EPRS1: variants seen among roughly 807,000 people sequenced by gnomAD.
EPRS1 encodes glutamyl-prolyl-tRNA synthetase 1.
A neutral mutation model predicts 188.3 loss-of-function variants in EPRS1; 107 were observed. The ratio of observed to expected loss-of-function variants is 0.57; its 90% CI spans 0.49 to 0.67. The LOEUF is 0.67. Ranked by LOEUF, EPRS1 falls within the 30% of genes least tolerant of loss-of-function variation. The probability of loss-of-function intolerance (pLI) is 0.00; values close to 1 mark genes in which losing one functional copy is unlikely to be tolerated. For missense variants in EPRS1, 1,577 were observed against 1,802.2 expected, an observed-to-expected ratio of 0.88 and a Z score of 2.26; for synonymous variants, 596 against 593.1, an observed-to-expected ratio of 1.00 and a Z score of -0.07.
At position 220,005,275 on chromosome 1, in the gene EPRS1, A is replaced by G. The variant is rs1183261605; in HGVS notation, c.2036T>C (p.Ile679Thr). 1 of 1,580,588 alleles carries G rather than the reference A, an allele frequency of 6.3e-7. No homozygotes were observed. Among genetic ancestry groups the G allele is most frequent in the Admixed American group, 1.7e-5 (1 of 57,370 alleles). Residue 679 changes from isoleucine (I) to threonine (T), a missense_variant, in exon 16 of 32, where the codon ATA (isoleucine) becomes ACA (threonine). Around this residue, in one of 3 missense-constraint regions of EPRS1, gnomAD observed 1,278 missense variants for 1,457.4 expected, o/e 0.88. Transcript: ENST00000366923. Reference sequence around the variant, plus strand: ...AACAGGTTCATAAGGTTGATCACATATGAAGAATCCTCTTCTCTGGAGTTG... The same window carrying G: ...AACAGGTTCATAAGGTTGATCACATGTGAAGAATCCTCTTCTCTGGAGTTG... The part of the protein sequence containing the change: ...IIQLQRRGFF[I>T]CDQPYEPVSP...
intron 20 of EPRS1, among the ~76,000 whole-genome samples, chr1:219,985,774 T>TA (rs55977679): frequency 1.8e-4 from 27 of 152,206 alleles, no homozygotes; most frequent in Admixed American, 1.0e-3. Flanking sequence ...AGGTCTCCAA[T>TA]AAAAAAACTA....
At chr1:220,000,335 A>T (rs1661326437) in intron 17 of EPRS1, among the ~76,000 whole-genome samples, 1 of 152,200 alleles carries the variant, frequency 6.6e-6, no homozygotes, top group African/African-American at 2.4e-5. Context: ...TGGTCCACAG[A>T]CCCCAAGGGG....
In EPRS1 at chr1:220,016,577, A is replaced by ATTT. The variant is rs57664248; in HGVS notation, c.1494+1869_1494+1871dup. Among the ~76,000 whole-genome samples, 74 of 69,618 alleles carry ATTT rather than the reference A, an allele frequency of 1.1e-3. 10 individuals carry two copies. Among genetic ancestry groups the ATTT allele is most frequent in the African/African-American group, 2.1e-3 (38 of 17,844 alleles). 45.7% of individuals were successfully genotyped at this position (69,618 alleles called of 152,430 possible). ...AAGCATGCACGACCAGGCCTAGCTA[A>ATTT]TTTTTTTTTTTTTTTTTTTTTTGGA... On this transcript the variant is annotated intron_variant, in intron 12 of 31. Transcript: ENST00000366923.
Position 220,046,497 on chromosome 1 carries a change from G to T in EPRS1, c.-109C>A. 4.6e-6 allele frequency: 7 copies of T among 1,515,768 alleles called. No individual in the cohort carries two copies. Among genetic ancestry groups the T allele is most frequent in the Non-Finnish European group, 6.2e-6 (7 of 1,131,342 alleles). 93.9% of individuals were successfully genotyped at this position (1,515,768 alleles called of 1,614,324 possible). A position where few individuals can be genotyped will look rare whatever the true frequency, so the allele number is the denominator to read the frequency against. On this transcript the variant is annotated 5_prime_UTR_variant, in exon 1 of 32. Transcript: ENST00000366923. Reference sequence around the variant, plus strand: ...ACGTGTGCGCGTACCCGACGCCGCCGCAGCCTTCGCTCCGCCCCTGCGCCG... The same window carrying T: ...ACGTGTGCGCGTACCCGACGCCGCCTCAGCCTTCGCTCCGCCCCTGCGCCG...
chr1:219,968,830 G>A lies in EPRS1; in HGVS notation c.4515C>T (p.Tyr1505=), dbSNP rs761104636. 3.7e-6 allele frequency: 6 copies of A among 1,614,178 alleles called. No individual in the cohort carries two copies. Among genetic ancestry groups the A allele is most frequent in the Middle Eastern group, 3.3e-4 (2 of 6,060 alleles). The change falls in exon 32 of 32, where the codon TAC becomes TAT. Residue 1505 remains tyrosine (Y), a synonymous_variant. Transcript: ENST00000366923. ...CTCAGTAGCTGCGACCAAATAAGGTGTAGTACTTGGCAGGGTTCTTGCCAC... is the reference window on the plus strand; with the variant it reads ...CTCAGTAGCTGCGACCAAATAAGGTATAGTACTTGGCAGGGTTCTTGCCAC... ...CVCGKNPAKY[Y]TLFGRSY is the part of the protein sequence containing the mutation.
intron 2 of EPRS1, among the ~76,000 whole-genome samples, chr1:220,035,240 TC>T (rs1345461786): frequency 2.0e-5 from 3 of 152,184 alleles, no homozygotes; most frequent in Non-Finnish European, 2.9e-5. Context: ...AACCTCTGCC[TC>T]CAGGGTTCAA....
At position 220,006,200 on chromosome 1, in the gene EPRS1, A is replaced by C; in HGVS notation, c.1856T>G (p.Ile619Ser). 6.2e-7 allele frequency: 1 copy of C among 1,606,706 alleles called. No individual in the cohort carries two copies. Among genetic ancestry groups the C allele is most frequent in the Non-Finnish European group, 8.5e-7 (1 of 1,175,252 alleles). Residue 619 changes from isoleucine (I) to serine (S), a missense_variant, in exon 15 of 32, where the codon ATT (isoleucine) becomes AGT (serine). Transcript: ENST00000366923. Reference sequence around the variant, plus strand: ...CTCATAAGTGACACAGATTACTGGAATAGGAAGAGCATGTGTAGTCTCTGC... The same window carrying C: ...CTCATAAGTGACACAGATTACTGGACTAGGAAGAGCATGTGTAGTCTCTGC... ...WLAETTHALP[I>S]PVICVTYEHL...
At chr1:219,992,733 C>T (rs1291962543) in intron 18 of EPRS1, among the ~76,000 whole-genome samples, 1 of 152,068 alleles carries the variant, frequency 6.6e-6, no homozygotes, top group Admixed American at 6.6e-5. Flanking sequence ...TCGAGACCAG[C>T]CTAACATGGT....
At chr1:220,030,172 T>C (rs975625084) in intron 6 of EPRS1, among the ~76,000 whole-genome samples, 1 of 152,234 alleles carries the variant, frequency 6.6e-6, no homozygotes, top group Non-Finnish European at 1.5e-5. Flanking sequence ...AAAATGTCTC[T>C]TTTACTAAGT....
chr1:220,040,679 C>T (rs1332191340), intron 1 of EPRS1, among the ~76,000 whole-genome samples: 4 of 152,036 alleles, frequency 2.6e-5, no homozygotes, highest in Admixed American at 6.5e-5. Context: ...GGAGAAACCC[C>T]GTCTCTACTA....
chr1:220,017,986 A>G, intron 12 of EPRS1: 1 of 403,588 alleles, frequency 2.5e-6, no homozygotes, highest in East Asian at 7.2e-5. Flanking sequence ...AACACTAGGA[A>G]TAATGCATTT....
chr1:220,021,661 A>G (rs936704449), intron 9 of EPRS1, among the ~76,000 whole-genome samples: 2 of 152,244 alleles, frequency 1.3e-5, no homozygotes, highest in African/African-American at 4.8e-5. Flanking sequence ...AATGATATGT[A>G]TGCACATATA....
intron 28 of EPRS1, among the ~76,000 whole-genome samples, chr1:219,975,272 AGAG>A (rs1325203234): frequency 6.6e-6 from 1 of 152,146 alleles, no homozygotes; most frequent in East Asian, 1.9e-4. Context: ...CCATTCACGC[AGAG>A]GAGGGGGTGG....
At chr1:219,994,514 AAAAAG>A (rs1457001823) in intron 18 of EPRS1, among the ~76,000 whole-genome samples, 3 of 152,292 alleles carry the variant, frequency 2.0e-5, no homozygotes, top group African/African-American at 4.8e-5. Context: ...TAATAATTTT[AAAAAG>A]AAAAGACAAA....
At chr1:220,008,376 T>C (rs925277797) in intron 13 of EPRS1, among the ~76,000 whole-genome samples, 1 of 151,814 alleles carries the variant, frequency 6.6e-6, no homozygotes, top group Admixed American at 6.6e-5. Context: ...AAGAACGCCA[T>C]AATTTCAGTT....
Position 219,988,594 on chromosome 1 carries a change from G to C in EPRS1, c.2771C>G (p.Pro924Arg). The C allele has an allele frequency of 6.2e-7, 1 of 1,604,722 alleles. No homozygotes were observed. Among genetic ancestry groups the C allele is most frequent in the Non-Finnish European group, 8.5e-7 (1 of 1,171,834 alleles). ...TAAACAAAATAACACACTAACCTTA[G>C]GGGCTTTTTCAGTTTTAAGTTTCCG... ...VVRKLKTEKA[P>R]KDQVDIAVQE... Residue 924 changes from proline to arginine, a missense_variant, in exon 19 of 32, where the codon CCT (proline) becomes CGT (arginine). By Grantham distance (103) the Pro-to-Arg change is moderately radical. Coordinates refer to ENST00000366923, the MANE Select transcript of EPRS1 (RefSeq NM_004446.3).
At chr1:220,001,308 C>G (rs1172326270) in intron 16 of EPRS1, 53 bp from the exon 17 acceptor site, 2 of 960,050 alleles carry the variant, frequency 2.1e-6, no homozygotes, top group Non-Finnish European at 3.4e-6. Flanking sequence ...ATTATCTGAA[C>G]AGCAATAAAC....
rs1660698674 is a variant in EPRS1, at chr1:219,973,008, C to T, written c.4244+230G>A. The stretch of plus-strand genomic sequence containing the variant: ...TAGATTTAAATTAACCCAAATTAGT[C>T]CAGGGGACAGAAACTTCATTGTTGC... On this transcript the variant is annotated intron_variant, in intron 29 of 31. Coordinates refer to ENST00000366923, the MANE Select transcript of EPRS1 (RefSeq NM_004446.3). 2.0e-5 allele frequency among the ~76,000 whole-genome samples: 3 copies of T among 152,140 alleles called. No individual in the cohort carries two copies. The South Asian group carries it at 6.2e-4, about 31-fold the overall frequency.
chr1:220,001,861 G>A (rs368613217), intron 16 of EPRS1, among the ~76,000 whole-genome samples: 3 of 150,860 alleles, frequency 2.0e-5, no homozygotes, highest in Non-Finnish European at 3.0e-5. Flanking sequence ...AAACCCCATC[G>A]CTACTAAAAT....
Sources: allele counts gnomAD v4.1 joint callset (sites outside exome capture counted in the v4.1 genomes callset), GRCh38; gene constraint gnomAD v4.1.1; regional missense constraint gnomAD v4.1.1; transcripts MANE v1.5; gene names NCBI Gene and HGNC (gene_info 2026-07-23, HGNC 2026-07-21).